SLC2A5: variants seen among roughly 807,000 people sequenced by gnomAD.
SLC2A5 encodes solute carrier family 2, facilitated glucose transporter member 5.
In SLC2A5, 56 loss-of-function variants were observed where a neutral mutation model predicts 50.3. The ratio of observed to expected loss-of-function variants is 1.11; its 90% CI spans 0.90 to 1.39. The LOEUF (loss-of-function observed/expected upper bound fraction) is 1.39. Among genes scored for constraint, SLC2A5 ranks in the 40% most tolerant of loss-of-function variants. SLC2A5 has a pLI of 0.00. For synonymous variants in SLC2A5, 269 were observed against 281.9 expected (o/e 0.95, Z 0.46); for missense variants, 566 against 650.1 (o/e 0.87, Z 1.41).
chr1:9,055,389 C>T (rs548431502), intron 3 of SLC2A5, among the ~76,000 whole-genome samples: 4 of 151,972 alleles, frequency 2.6e-5, no homozygotes, highest in South Asian at 4.2e-4. Flanking sequence ...TGGTGGCATG[C>T]GCCTGTAATC....
At chr1:9,093,201 C>T (rs560159498), upstream of SLC2A5, among the ~76,000 whole-genome samples, 1 of 152,236 alleles carries the variant, frequency 6.6e-6, no homozygotes, top group Admixed American at 6.5e-5. Context: ...TCAGCCCTAC[C>T]CCCAATCCCC....
Position 9,036,666 on chromosome 1 carries a change from C to G in SLC2A5, c.*920G>C, listed in dbSNP as rs546784031. The G allele has an allele frequency of 6.6e-6, 1 of 152,150 alleles. No individual in the cohort carries two copies. Among genetic ancestry groups the G allele is most frequent in the African/African-American group, 2.4e-5 (1 of 41,472 alleles). The allele number at this position is 152,150 out of a possible 1,614,324, so 9.4% of individuals were successfully genotyped here. On this transcript the variant is annotated 3_prime_UTR_variant, in exon 12 of 12. Coordinates refer to ENST00000377424, the MANE Select transcript of SLC2A5 (RefSeq NM_003039.3). ...CTATCCTGGCCAACACAGTGAAACCCAGTCTCTACTAAAAATACAAAAAAG... is the reference window on the plus strand; with the variant it reads ...CTATCCTGGCCAACACAGTGAAACCGAGTCTCTACTAAAAATACAAAAAAG...
At chr1:9,085,343 A>G (rs1169444615) in intron 1 of SLC2A5, among the ~76,000 whole-genome samples, 1 of 152,170 alleles carries the variant, frequency 6.6e-6, no homozygotes, top group Non-Finnish European at 1.5e-5. Context: ...TTTGGTCTAG[A>G]AAGGCGGGAC....
At chr1:9,042,443 T>C (rs1456245049) in intron 4 of SLC2A5, among the ~76,000 whole-genome samples, 1 of 151,456 alleles carries the variant, frequency 6.6e-6, no homozygotes, top group Non-Finnish European at 1.5e-5. Context: ...ATGATATATA[T>C]GGCCTGTGTG....
chr1:9,054,043 G>T (rs566412101), intron 3 of SLC2A5, among the ~76,000 whole-genome samples: 15 of 152,178 alleles, frequency 9.9e-5, no homozygotes, highest in Non-Finnish European at 1.9e-4. Flanking sequence ...TCCGAAGAGA[G>T]AATTAATGAA....
chr1:9,061,071 G>A (rs1641930161), intron 1 of SLC2A5, among the ~76,000 whole-genome samples: 2 of 151,824 alleles, frequency 1.3e-5, no homozygotes, highest in Non-Finnish European at 2.9e-5. Flanking sequence ...GACTGCTTGA[G>A]CCCAGGAGTT....
chr1:9,061,093 C>T (rs1188817551), intron 1 of SLC2A5, among the ~76,000 whole-genome samples: 2 of 151,366 alleles, frequency 1.3e-5, no homozygotes. Context: ...TCAGCCAGCC[C>T]GGGCAACATG....
chr1:9,081,389 C>T (rs1368896079), intron 2 of SLC2A5, among the ~76,000 whole-genome samples: 10 of 149,452 alleles, frequency 6.7e-5, no homozygotes, highest in Non-Finnish European at 1.5e-4. Context: ...TGCCTATATT[C>T]CCAGCGACTT....
chr1:9,050,024 G>A (rs1364448759), intron 3 of SLC2A5, among the ~76,000 whole-genome samples: 1 of 151,700 alleles, frequency 6.6e-6, no homozygotes, highest in East Asian at 1.9e-4. Flanking sequence ...GTAATCCTAG[G>A]ACTCTGGGAG....
chr1:9,059,212 G>A (rs145255562), intron 1 of SLC2A5, among the ~76,000 whole-genome samples: 4,454 of 128,994 alleles, frequency 0.035, 130 homozygotes, highest in African/African-American at 0.083. Context: ...GCGCAATCTC[G>A]GCTCACTGCA....
Position 9,039,908 on chromosome 1 carries a change from G to A in SLC2A5, c.777C>T (p.Ala259=). 1 of 1,612,900 alleles carries A rather than the reference G, an allele frequency of 6.2e-7. No homozygotes were observed. ...GCTTCAGCACGGAGATGAAGCCCGC[G>A]GCCTTCTCTGCCTCATCCTCCTGCC... The part of the protein sequence containing the change: ...EIRQEDEAEK[A]AGFISVLKLF... Residue 259 remains alanine (A), a synonymous_variant, in exon 7 of 12, where the codon GCC becomes GCT. Coordinates refer to ENST00000377424, the MANE Select transcript of SLC2A5 (RefSeq NM_003039.3).
chr1:9,053,571 T>C (rs1349767238), intron 3 of SLC2A5, among the ~76,000 whole-genome samples: 1 of 117,928 alleles, frequency 8.5e-6, no homozygotes, highest in Non-Finnish European at 1.7e-5. Flanking sequence ...TATATATATT[T>C]ATATATATAT....
intron 4 of SLC2A5, among the ~76,000 whole-genome samples, chr1:9,043,021 AC>A (rs1276171966): frequency 2.0e-5 from 3 of 152,350 alleles, no homozygotes; most frequent in Admixed American, 6.5e-5. Context: ...AATTAAAAAA[AC>A]ATAGGCAGAA....
At chr1:9,074,990 C>G (rs79567532) in intron 2 of SLC2A5, among the ~76,000 whole-genome samples, 16 of 151,666 alleles carry the variant, frequency 1.1e-4, no homozygotes, top group African/African-American at 3.9e-4. Context: ...CCACAGAACT[C>G]GGCTTGAGCA....
intron 1 of SLC2A5, among the ~76,000 whole-genome samples, chr1:9,085,363 G>T (rs1305444015): frequency 3.9e-5 from 6 of 152,178 alleles, no homozygotes; most frequent in Admixed American, 3.9e-4. Flanking sequence ...CGATTCAAAG[G>T]TGGGGGAGGG....
chr1:9,093,571 A>G, the SLC2A5 span, among the ~76,000 whole-genome samples: 1 of 152,206 alleles, frequency 6.6e-6, no homozygotes, highest in Non-Finnish European at 1.5e-5. Flanking sequence ...TCACTATTCT[A>G]TGGGACCTAT....
At chr1:9,089,618 C>A (rs756658527), upstream of SLC2A5, among the ~76,000 whole-genome samples, 11 of 152,204 alleles carry the variant, frequency 7.2e-5, no homozygotes, top group African/African-American at 2.7e-4. Flanking sequence ...TCCCAACAAC[C>A]CAAAAGGAAA....
chr1:9,058,062 T>A, intron 2 of SLC2A5, 90 bp downstream of exon 2: 2 of 909,610 alleles, frequency 2.2e-6, no homozygotes, highest in Non-Finnish European at 3.6e-6. Context: ...CAGGACCCAC[T>A]GCGTGAACAG....
At chr1:9,087,221 T>C (rs79894329) in intron 1 of SLC2A5, among the ~76,000 whole-genome samples, 3 of 151,648 alleles carry the variant, frequency 2.0e-5, no homozygotes, top group East Asian at 3.9e-4. Context: ...TTTTTTTTTT[T>C]TGAGACAGAG....
Sources: allele counts gnomAD v4.1 joint callset (sites outside exome capture counted in the v4.1 genomes callset), GRCh38; gene constraint gnomAD v4.1.1; transcripts MANE v1.5; gene names NCBI Gene and HGNC (gene_info 2026-07-23, HGNC 2026-07-21).